DPY19L3: variants seen among roughly 807,000 people sequenced by gnomAD.
DPY19L3 encodes the protein dpy-19 like C-mannosyltransferase 3, also known as protein C-mannosyl-transferase DPY19L3.
Under a neutral mutation model 92.3 loss-of-function variants are expected in DPY19L3, and 51 were observed. The observed-to-expected ratio is 0.55, with a 90% confidence interval of 0.44 to 0.70. The LOEUF (loss-of-function observed/expected upper bound fraction) is 0.70, where lower values mean the gene tolerates loss of function less well. Among genes scored for constraint, DPY19L3 ranks in the 30% least tolerant of loss-of-function variants. The probability of loss-of-function intolerance (pLI) is 0.00; values close to 1 mark genes in which losing one functional copy is unlikely to be tolerated. For synonymous variants in DPY19L3, 309 were observed against 315.2 expected (o/e 0.98, Z 0.21); for missense variants, 706 against 855.9 (o/e 0.82, Z 2.18).
At chr19:32,480,954 C>G in intron 18 of DPY19L3, 1 of 417,414 alleles carries the variant, frequency 2.4e-6, no homozygotes, top group Admixed American at 4.0e-5. Flanking sequence ...TGGGGCCCTC[C>G]TGCCCTCCGG....
chr19:32,477,705 G>C (rs906974104), intron 17 of DPY19L3, 51 bp downstream of exon 17: 1 of 1,608,940 alleles, frequency 6.2e-7, no homozygotes, highest in South Asian at 1.1e-5. Context: ...GCTATGGGCT[G>C]CGTGTCCCTA....
chr19:32,420,445 T>G (rs1164439687), intron 3 of DPY19L3, among the ~76,000 whole-genome samples: 1 of 149,302 alleles, frequency 6.7e-6, no homozygotes, highest in Non-Finnish European at 1.5e-5. Flanking sequence ...GTAGTTTTGT[T>G]TTTTTTTGTT....
At chr19:32,442,472 C>T (rs371424021) in intron 8 of DPY19L3, among the ~76,000 whole-genome samples, 8 of 152,132 alleles carry the variant, frequency 5.3e-5, no homozygotes, top group African/African-American at 7.2e-5. Context: ...CCCCGTTCCT[C>T]CCCAAAGTAC....
At position 32,437,353 on chromosome 19, in the gene DPY19L3, A is replaced by G; in HGVS notation, c.596+14A>G. The G allele has an allele frequency of 6.3e-7, 1 of 1,588,448 alleles. No individual in the cohort carries two copies. The highest frequency in any genetic ancestry group is 8.6e-7 in the Non-Finnish European group (1 of 1,169,060). ...TGTCACAAATAGGTGAGTTGGAGTC[A>G]GTATGCTTCTTTTTTTTCCAAAATG... On this transcript the variant is annotated intron_variant, in intron 6 of 18. Transcript: ENST00000392250.
intron 3 of DPY19L3, among the ~76,000 whole-genome samples, chr19:32,427,491 A>G (rs1413561575): frequency 1.3e-5 from 2 of 152,134 alleles, no homozygotes; most frequent in Non-Finnish European, 1.5e-5. Context: ...TTTACTTGAT[A>G]TTGCCGAATT....
chr19:32,436,506 A>G lies in DPY19L3; in HGVS notation c.389A>G (p.Gln130Arg). 6.3e-7 allele frequency: 1 copy of G among 1,580,932 alleles called. No homozygotes were observed. The highest frequency in any genetic ancestry group is 1.1e-5 in the South Asian group (1 of 87,992). ...TCTATGAAGACAATTAACCTCCTTCAGCGAATGAATATTTACCAAGAGGTT... is the reference window on the plus strand; with the variant it reads ...TCTATGAAGACAATTAACCTCCTTCGGCGAATGAATATTTACCAAGAGGTT... ...TESMKTINLL[Q>R]RMNIYQEVFL... is the part of the protein sequence containing the mutation. Residue 130 changes from glutamine to arginine, a missense_variant, in exon 5 of 19, where the codon CAG (glutamine) becomes CGG (arginine). Physicochemically the swap from Gln to Arg is conservative, Grantham distance 43. Transcript: ENST00000392250.
chr19:32,456,919 G>A (rs889865641), intron 10 of DPY19L3, among the ~76,000 whole-genome samples: 14 of 152,136 alleles, frequency 9.2e-5, no homozygotes, highest in African/African-American at 3.1e-4. Flanking sequence ...GCAGCATTTT[G>A]GGAGGCTGAG....
At chr19:32,418,365 G>A (rs1357139093) in intron 3 of DPY19L3, among the ~76,000 whole-genome samples, 7 of 152,150 alleles carry the variant, frequency 4.6e-5, no homozygotes, top group Admixed American at 6.5e-5. Context: ...GCTTAGATTC[G>A]CTAGATCAGC....
At position 32,454,988 on chromosome 19, in the gene DPY19L3, T is replaced by C. The variant is rs374108435; in HGVS notation, c.1037T>C (p.Leu346Ser). The C allele has an allele frequency of 6.4e-7, 1 of 1,574,242 alleles. No homozygotes were observed. Among genetic ancestry groups the C allele is most frequent in the Admixed American group, 2.1e-5 (1 of 47,232 alleles). The change falls in exon 10 of 19, where the codon TTA becomes TCA. Residue 346 changes from leucine to serine, a missense_variant. Transcript: ENST00000392250. Reference protein sequence around the residue: ...SFLNRLGKLLLHLFMVLCLTL... With the variant: ...SFLNRLGKLLSHLFMVLCLTL... ...CTTAATAGGCTTGGGAAACTTTTGT[T>C]ACATTTATTTATGGTTTTATGTTTG... is the stretch of plus-strand genomic sequence containing the variant.
chr19:32,460,131 C>T (rs1191627365), intron 12 of DPY19L3, among the ~76,000 whole-genome samples: 1 of 151,694 alleles, frequency 6.6e-6, no homozygotes. Flanking sequence ...ATATAAAGGC[C>T]AGGTATGGTG....
At chr19:32,445,988 G>A (rs986382933) in intron 8 of DPY19L3, among the ~76,000 whole-genome samples, 3 of 150,992 alleles carry the variant, frequency 2.0e-5, no homozygotes, top group East Asian at 3.9e-4. Flanking sequence ...GGAGACGAGT[G>A]AAACTTCGTC....
chr19:32,449,505 C>T (rs1325848119), intron 8 of DPY19L3, among the ~76,000 whole-genome samples: 1 of 152,092 alleles, frequency 6.6e-6, no homozygotes, highest in Non-Finnish European at 1.5e-5. Context: ...AAGACTCACA[C>T]TTTCCAATTA....
chr19:32,439,471 C>A (rs1969255506), intron 7 of DPY19L3, among the ~76,000 whole-genome samples: 1 of 152,138 alleles, frequency 6.6e-6, no homozygotes, highest in Non-Finnish European at 1.5e-5. Context: ...TAAATAGTTG[C>A]AGCAAACCCA....
Position 32,463,850 on chromosome 19 carries a change from C to T in DPY19L3, c.1446-19C>T. On this transcript the variant is annotated intron_variant, in intron 13 of 18. Coordinates refer to ENST00000392250, the MANE Select transcript of DPY19L3 (RefSeq NM_001172774.2). ...ATACAACTAGTACTTCTGACTTGCG[C>T]CTGTGTCTGTTCTTGCAGAATGAAG... The T allele has an allele frequency of 6.2e-7, 1 of 1,601,046 alleles. No homozygotes were observed. The highest frequency in any genetic ancestry group is 8.6e-7 in the Non-Finnish European group (1 of 1,168,736).
At chr19:32,408,183 C>A in intron 1 of DPY19L3, 34 bp from the exon 2 acceptor site, 1 of 1,063,304 alleles carries the variant, frequency 9.4e-7, no homozygotes, top group Non-Finnish European at 1.4e-6. Flanking sequence ...GGGGAGAAGG[C>A]ACTGACGTTG....
At chr19:32,441,990 A>T (rs1412574440) in intron 8 of DPY19L3, among the ~76,000 whole-genome samples, 2 of 152,222 alleles carry the variant, frequency 1.3e-5, no homozygotes, top group African/African-American at 4.8e-5. Context: ...TTACAATGAA[A>T]GGATCCTGAG....
intron 3 of DPY19L3, among the ~76,000 whole-genome samples, chr19:32,419,163 CTTTT>C (rs1277893362): frequency 7.3e-6 from 1 of 136,494 alleles, no homozygotes; most frequent in African/African-American, 2.7e-5. Flanking sequence ...TTATTTGTAC[CTTTT>C]TTTTTTTTTT....
chr19:32,472,919 A>G (rs577369013), intron 16 of DPY19L3, among the ~76,000 whole-genome samples: 168 of 152,348 alleles, frequency 1.1e-3, no homozygotes, highest in African/African-American at 3.9e-3. Flanking sequence ...AAGTTCGTGT[A>G]TATTTTAAAT....
In DPY19L3 at chr19:32,433,648, C is replaced by A. The variant is rs139744812; in HGVS notation, c.328+842C>A. ...GTGTTGCCCAGGCTGGTCTCAAACT[C>A]CTGAGCTCAAGTGATCCTCCTGCCT... On this transcript the variant is annotated intron_variant, in intron 4 of 18. Transcript: ENST00000392250. Among the ~76,000 whole-genome samples, 42 of 152,256 alleles carry A rather than the reference C, an allele frequency of 2.8e-4. No homozygotes were observed. In the East Asian group the frequency reaches 7.7e-3, roughly 28 times the overall value.
Sources: gnomAD v4.1 joint callset for allele counts (sites outside exome capture counted in the v4.1 genomes callset) on GRCh38, gnomAD v4.1.1 for gene constraint, MANE v1.5 for transcripts, NCBI Gene and HGNC (gene_info 2026-07-23, HGNC 2026-07-21) for gene names.